RPP14: variants seen among roughly 807,000 people sequenced by gnomAD.
The protein encoded by RPP14 is ribonuclease P protein subunit p14.
RPP14 carries 19 observed loss-of-function variants against 17.8 expected under a neutral mutation model. The observed-to-expected ratio is 1.07, with a 90% CI of 0.74 to 1.57. The LOEUF (loss-of-function observed/expected upper bound fraction) is 1.57, where lower values mean the gene tolerates loss of function less well. Ranked by LOEUF, RPP14 falls within the 40% of genes most tolerant of loss-of-function variation. The pLI is 0.00. For synonymous variants in RPP14, 60 were observed against 56.4 expected (o/e 1.06, Z -0.29); for missense variants, 125 against 140.8 (o/e 0.89, Z 0.57).
intron 1 of RPP14, chr3:58,306,735 T>C (rs1012427815): frequency 6.6e-6 from 1 of 152,244 alleles, no homozygotes; most frequent in Admixed American, 6.5e-5. Context: ...TTTAAAGTGA[T>C]TGATTTAGTC....
At chr3:58,307,118 GAGAA>G (rs1263147210) in intron 1 of RPP14, among the ~76,000 whole-genome samples, 1 of 152,144 alleles carries the variant, frequency 6.6e-6, no homozygotes, top group Non-Finnish European at 1.5e-5. Context: ...ACTGGCGCGT[GAGAA>G]AGAGCTAGGC....
At position 58,317,817 on chromosome 3, in the gene RPP14, G is replaced by T. The variant is rs1478739780; in HGVS notation, c.*321G>T. The T allele has an allele frequency of 2.8e-6, 2 of 703,028 alleles. No individual in the cohort carries two copies. The highest frequency in any genetic ancestry group is 1.5e-5 in the South Asian group (1 of 67,596). 43.5% of individuals were successfully genotyped at this position (703,028 alleles called of 1,614,324 possible). On this transcript the variant is annotated 3_prime_UTR_variant, in exon 6 of 6. Transcript: ENST00000295959. ...CAGGGGATGTCAATCCTTTGCATTTGAATGAAGACTTTGCAAAACACACCA... is the reference window on the plus strand; with the variant it reads ...CAGGGGATGTCAATCCTTTGCATTTTAATGAAGACTTTGCAAAACACACCA...
At chr3:58,310,136 G>A (rs2097480512) in intron 1 of RPP14, 173 bp from the exon 2 acceptor site, 2 of 581,342 alleles carry the variant, frequency 3.4e-6, no homozygotes, top group Non-Finnish European at 6.1e-6. Flanking sequence ...GAGAGCCAGA[G>A]GTGGAGGCTG....
chr3:58,308,882 T>G (rs1053157279), intron 1 of RPP14, among the ~76,000 whole-genome samples: 5 of 152,190 alleles, frequency 3.3e-5, no homozygotes, highest in African/African-American at 1.2e-4. Flanking sequence ...AACTGAAAGT[T>G]GAAGGATGAA....
In RPP14 at chr3:58,310,358, G is replaced by C; in HGVS notation, c.29G>C (p.Arg10Thr). 4 of 1,614,164 alleles carry C rather than the reference G, an allele frequency of 2.5e-6. No homozygotes were observed. Among genetic ancestry groups the C allele is most frequent in the Non-Finnish European group, 3.4e-6 (4 of 1,180,018 alleles). The change falls in exon 2 of 6, where the codon AGA becomes ACA. Residue 10 changes from arginine (R) to threonine (T), a missense_variant. Coordinates refer to ENST00000295959, the MANE Select transcript of RPP14 (RefSeq NM_007042.6). MPAPAATYE[R>T]VVYKNPSEYH... Reference sequence around the variant, plus strand: ...CCTGCCCCTGCTGCCACATATGAAAGAGTAGTTTACAAAAACCCTTCCGAG... The same window carrying C: ...CCTGCCCCTGCTGCCACATATGAAACAGTAGTTTACAAAAACCCTTCCGAG...
At chr3:58,311,914 C>G (rs924021808) in intron 3 of RPP14, among the ~76,000 whole-genome samples, 1 of 152,050 alleles carries the variant, frequency 6.6e-6, no homozygotes, top group Non-Finnish European at 1.5e-5. Flanking sequence ...GCCGTGATGC[C>G]CAGGGTGGAG....
chr3:58,315,174 T>C (rs560447426), intron 3 of RPP14, among the ~76,000 whole-genome samples: 2 of 152,254 alleles, frequency 1.3e-5, no homozygotes, highest in East Asian at 3.9e-4. Context: ...GTGAATAAAC[T>C]GTGGTACATT....
At chr3:58,315,246 A>C (rs2097487036) in intron 3 of RPP14, among the ~76,000 whole-genome samples, 1 of 152,170 alleles carries the variant, frequency 6.6e-6, no homozygotes, top group South Asian at 2.1e-4. Flanking sequence ...ATATGAATGA[A>C]TCTCCAGAGA....
At chr3:58,310,478 A>G (rs760530225) in intron 2 of RPP14, 29 bp from the exon 3 acceptor site, 3 of 1,559,432 alleles carry the variant, frequency 1.9e-6, no homozygotes, top group Admixed American at 1.8e-5. Flanking sequence ...GAAATTTAAT[A>G]TGACTTTTTT....
chr3:58,314,675 A>ATTTTTGTTTTT (rs2097486323), intron 3 of RPP14, among the ~76,000 whole-genome samples: 1 of 90,560 alleles, frequency 1.1e-5, no homozygotes, highest in East Asian at 3.9e-4. Context: ...GTTTGGCAGT[A>ATTTTTGTTTTT]TTTTTTTTTT....
rs2107510620 is a variant in RPP14, at chr3:58,317,669, T to C, written c.*173T>C. ...TGGTGGGGTGGGCTTCGGAGGACAG[T>C]CTGTCTGAACCTGCCAGTGCTGACC... On this transcript the variant is annotated 3_prime_UTR_variant, in exon 6 of 6. Transcript: ENST00000295959. 1.4e-6 allele frequency: 1 copy of C among 707,242 alleles called. No individual in the cohort carries two copies. Among genetic ancestry groups the C allele is most frequent in the Admixed American group, 2.0e-5 (1 of 49,998 alleles). 43.8% of individuals were successfully genotyped at this position (707,242 alleles called of 1,614,324 possible).
chr3:58,312,676 A>G lies in RPP14; in HGVS notation c.162+2085A>G, dbSNP rs185634635. ...CCACTTTTAATGAGAAAGTCTCCTT[A>G]TGGGCCAGGCGCAGTGGCTCACTCC... On this transcript the variant is annotated intron_variant, in intron 3 of 5. Coordinates refer to ENST00000295959, the MANE Select transcript of RPP14 (RefSeq NM_007042.6). Among the ~76,000 whole-genome samples the G allele has an allele frequency of 3.1e-3, 472 of 151,848 alleles. 9 individuals carry two copies. Among genetic ancestry groups the G allele is most frequent in the Admixed American group, 0.029 (437 of 15,258 alleles).
chr3:58,307,001 G>A (rs932393043), intron 1 of RPP14, among the ~76,000 whole-genome samples: 1 of 152,212 alleles, frequency 6.6e-6, no homozygotes, highest in Non-Finnish European at 1.5e-5. Flanking sequence ...ATTGAGATTT[G>A]AGCTAAGCCA....
In RPP14 at chr3:58,317,996, C is replaced by T. The variant is rs1284630779; in HGVS notation, c.*500C>T. 4.3e-6 allele frequency: 3 copies of T among 702,794 alleles called. No homozygotes were observed. Among genetic ancestry groups the T allele is most frequent in the Admixed American group, 4.0e-5 (2 of 49,958 alleles). 43.5% of individuals were successfully genotyped at this position (702,794 alleles called of 1,614,324 possible). A position where few individuals can be genotyped will look rare whatever the true frequency, so the allele number is the denominator to read the frequency against. On this transcript the variant is annotated 3_prime_UTR_variant, in exon 6 of 6. Transcript: ENST00000295959. ...ATTGGAGAAGTTGTTTTAGCTTCTG[C>T]AGAAGTGAAAAAGCTGAAGCGGTTC...
At chr3:58,315,105 A>G (rs1161881293) in intron 3 of RPP14, among the ~76,000 whole-genome samples, 1 of 152,168 alleles carries the variant, frequency 6.6e-6, no homozygotes, top group Non-Finnish European at 1.5e-5. Flanking sequence ...ATGAATATTC[A>G]TAGCAGCTTT....
At chr3:58,316,677 A>G (rs2292674) in intron 4 of RPP14, 86 bp downstream of exon 4, 1 of 1,242,730 alleles carries the variant, frequency 8.0e-7, no homozygotes, top group South Asian at 1.2e-5. Context: ...ATGAGAATAA[A>G]TTTTTTGTTG....
chr3:58,312,334 A>ACCCCC lies in RPP14; in HGVS notation c.162+1748_162+1752dup, dbSNP rs76719108. 3.6e-3 allele frequency among the ~76,000 whole-genome samples: 249 copies of ACCCCC among 69,660 alleles called. 3 individuals carry two copies. Among genetic ancestry groups the ACCCCC allele is most frequent in the East Asian group, 0.017 (12 of 692 alleles). The allele number at this position is 69,660 out of a possible 152,430, so 45.7% of individuals were successfully genotyped here. On this transcript the variant is annotated intron_variant, in intron 3 of 5. Transcript: ENST00000295959. ...TGGAGTGCAGTGGCACAACCTCCGC[A>ACCCCC]CCCCCCCCCGCCCCTCCCGGATTCA... is the stretch of plus-strand genomic sequence containing the variant.
chr3:58,318,307 G>T lies in RPP14; in HGVS notation c.*811G>T, dbSNP rs2097490516. The T allele has an allele frequency of 2.0e-6, 1 of 501,486 alleles. No individual in the cohort carries two copies. Among genetic ancestry groups the T allele is most frequent in the African/African-American group, 2.0e-5 (1 of 51,030 alleles). 31.1% of individuals were successfully genotyped at this position (501,486 alleles called of 1,614,324 possible). A position where few individuals can be genotyped will look rare whatever the true frequency, so the allele number is the denominator to read the frequency against. Reference sequence around the variant, plus strand: ...TTGGCCTTATGCTTCATGCAGACTTGAGTGTATGCAGGATTTCATTATCTG... The same window carrying T: ...TTGGCCTTATGCTTCATGCAGACTTTAGTGTATGCAGGATTTCATTATCTG... On this transcript the variant is annotated 3_prime_UTR_variant, in exon 6 of 6. Transcript: ENST00000295959.
At chr3:58,317,340 A>C in intron 5 of RPP14, 100 bp from the exon 6 acceptor site, 1 of 768,168 alleles carries the variant, frequency 1.3e-6, no homozygotes, top group Non-Finnish European at 2.2e-6. Flanking sequence ...ATGCTCCTGC[A>C]TCAGCTTTGT....
Sources: allele counts gnomAD v4.1 joint callset (sites outside exome capture counted in the v4.1 genomes callset), GRCh38; gene constraint gnomAD v4.1.1; transcripts MANE v1.5; gene names NCBI Gene and HGNC (gene_info 2026-07-23, HGNC 2026-07-21).